Variants in SPSB4 observed in about 807,000 individuals in gnomAD.
The protein encoded by SPSB4 is splA/ryanodine receptor domain and SOCS box containing 4, also known as SPRY domain-containing SOCS box protein 4.
A neutral mutation model predicts 20.9 loss-of-function variants in SPSB4; 21 were observed. The ratio of observed to expected loss-of-function variants is 1.01; its 90% CI spans 0.71 to 1.45. SPSB4 has a LOEUF of 1.45. Ranked by LOEUF, SPSB4 falls within the 40% of genes most tolerant of loss-of-function variation. The pLI, the probability that SPSB4 is intolerant of heterozygous loss-of-function variation, is 0.00. For synonymous variants in SPSB4, 207 were observed against 183.8 expected, an observed-to-expected ratio of 1.13 and a Z score of -1.02; for missense variants, 399 against 399.2, an observed-to-expected ratio of 1.00 and a Z score of 0.00.
At chr3:141,117,707 T>C (rs1013583822) in intron 2 of SPSB4, among the ~76,000 whole-genome samples, 16 of 152,322 alleles carry the variant, frequency 1.1e-4, no homozygotes, top group Middle Eastern at 6.8e-3. Context: ...CCTGTGTCCA[T>C]GTGTTCTCAT....
intron 1 of SPSB4, among the ~76,000 whole-genome samples, chr3:141,063,965 G>A (rs1489809782): frequency 6.6e-6 from 1 of 152,230 alleles, no homozygotes; most frequent in Non-Finnish European, 1.5e-5. Context: ...ACTCTGCCTT[G>A]CCAACACACT....
intron 1 of SPSB4, among the ~76,000 whole-genome samples, chr3:141,054,781 C>T (rs1237790725): frequency 6.6e-6 from 1 of 152,194 alleles, no homozygotes; most frequent in Non-Finnish European, 1.5e-5. Flanking sequence ...CTGGCTAACA[C>T]AGTGAAACCC....
At chr3:141,133,877 G>A (rs1280479558) in intron 2 of SPSB4, among the ~76,000 whole-genome samples, 1 of 152,072 alleles carries the variant, frequency 6.6e-6, no homozygotes, top group African/African-American at 2.4e-5. Context: ...GCTTTTGGCA[G>A]TATGGTCATC....
At chr3:141,089,461 G>A (rs987120705) in intron 2 of SPSB4, among the ~76,000 whole-genome samples, 1 of 152,186 alleles carries the variant, frequency 6.6e-6, no homozygotes, top group African/African-American at 2.4e-5. Context: ...CTGAAATCTG[G>A]GTATTTGCCT....
chr3:141,066,816 G>C lies in SPSB4; in HGVS notation c.694+18G>C, dbSNP rs554196290. 1.3e-6 allele frequency: 2 copies of C among 1,510,444 alleles called. No individual in the cohort carries two copies. Among genetic ancestry groups the C allele is most frequent in the African/African-American group, 1.4e-5 (1 of 71,774 alleles). The allele number at this position is 1,510,444 out of a possible 1,614,324, so 93.6% of individuals were successfully genotyped here. The stretch of plus-strand genomic sequence containing the variant: ...CCTTGACCGTAAGTTGTGCTGGGCT[G>C]GGGGGCAGGGCTTTCAGAGGCTGCC... On this transcript the variant is annotated intron_variant, in intron 2 of 2. Transcript: ENST00000310546.
rs79079101 is a variant in SPSB4, at chr3:141,081,836, G to A, written c.694+15038G>A. ...AACCTGTGAAAGCCCCTTGTAAATCGCAAAGGCCTGGACGGCGTTAGGGGC... is the reference window on the plus strand; with the variant it reads ...AACCTGTGAAAGCCCCTTGTAAATCACAAAGGCCTGGACGGCGTTAGGGGC... On this transcript the variant is annotated intron_variant, in intron 2 of 2. Coordinates refer to ENST00000310546, the MANE Select transcript of SPSB4 (RefSeq NM_080862.3). 6.0e-3 allele frequency among the ~76,000 whole-genome samples: 913 copies of A among 152,266 alleles called. 9 individuals carry two copies. The highest frequency in any genetic ancestry group is 0.021 in the African/African-American group (882 of 41,542).
intron 2 of SPSB4, among the ~76,000 whole-genome samples, chr3:141,121,064 C>CA (rs1240538659): frequency 6.6e-6 from 1 of 150,656 alleles, no homozygotes; most frequent in Admixed American, 6.6e-5. Flanking sequence ...TGTTCCCTTC[C>CA]ATGTTTAGTG....
intron 2 of SPSB4, among the ~76,000 whole-genome samples, chr3:141,133,894 A>G (rs1043367747): frequency 3.6e-4 from 55 of 152,062 alleles, no homozygotes; most frequent in African/African-American, 1.3e-3. Flanking sequence ...CATCTTCACA[A>G]TATTGATTCT....
Position 141,079,933 on chromosome 3 carries a change from G to C in SPSB4, c.694+13135G>C, listed in dbSNP as rs193064550. Reference sequence around the variant, plus strand: ...GGCTGGGGATCATGGAGGGCAGAGTGGGGGTGGTGAGGCTCAGGGGTCAGC... The same window carrying C: ...GGCTGGGGATCATGGAGGGCAGAGTCGGGGTGGTGAGGCTCAGGGGTCAGC... On this transcript the variant is annotated intron_variant, in intron 2 of 2. Transcript: ENST00000310546. Among the ~76,000 whole-genome samples, 8 of 152,170 alleles carry C rather than the reference G, an allele frequency of 5.3e-5. No homozygotes were observed. In the East Asian group the frequency reaches 5.8e-4, roughly 11 times the overall value.
intron 1 of SPSB4, among the ~76,000 whole-genome samples, chr3:141,062,555 C>T (rs148194716): frequency 0.017 from 2,515 of 152,118 alleles, 55 homozygotes; most frequent in African/African-American, 0.057. Context: ...AGAGGCACCC[C>T]GCAGGTTCTA....
At chr3:141,118,286 T>C (rs1218630440) in intron 2 of SPSB4, among the ~76,000 whole-genome samples, 1 of 152,264 alleles carries the variant, frequency 6.6e-6, no homozygotes, top group Non-Finnish European at 1.5e-5. Context: ...GCTGCATAAA[T>C]GTCTTCTTTG....
rs1937881672 is a variant in SPSB4 at position 141,066,502 on chromosome 3, T to C, written c.398T>C (p.Val133Ala). 2.0e-6 allele frequency: 3 copies of C among 1,503,864 alleles called. No homozygotes were observed. Among genetic ancestry groups the C allele is most frequent in the East Asian group, 2.4e-5 (1 of 41,612 alleles). 93.2% of individuals were successfully genotyped at this position (1,503,864 alleles called of 1,614,324 possible). A position where few individuals can be genotyped will look rare whatever the true frequency, so the allele number is the denominator to read the frequency against. ...PLHSVGYTAL[V>A]GSDAESWGWD... The stretch of plus-strand genomic sequence containing the variant: ...CACTCCGTGGGCTACACGGCGCTGG[T>C]AGGCAGTGACGCCGAGTCGTGGGGC... Residue 133 changes from valine to alanine, a missense_variant, in exon 2 of 3, where the codon GTA becomes GCA. Transcript: ENST00000310546.
Position 141,103,753 on chromosome 3 carries a change from C to T in SPSB4, c.694+36955C>T, listed in dbSNP as rs76489649. 7.5e-3 allele frequency among the ~76,000 whole-genome samples: 1,134 copies of T among 152,114 alleles called. 20 individuals are homozygous for T. The highest frequency in any genetic ancestry group is 0.026 in the African/African-American group (1,064 of 41,478). ...CAAGAACTCTTAAAGTGCAGCTGTCCGGAGCCATTCAGCAAAGGGGCATGA... is the reference window on the plus strand; with the variant it reads ...CAAGAACTCTTAAAGTGCAGCTGTCTGGAGCCATTCAGCAAAGGGGCATGA... On this transcript the variant is annotated intron_variant, in intron 2 of 2. Coordinates refer to ENST00000310546, the MANE Select transcript of SPSB4 (RefSeq NM_080862.3).
At chr3:141,087,567 C>T (rs901501721) in intron 2 of SPSB4, among the ~76,000 whole-genome samples, 2 of 152,192 alleles carry the variant, frequency 1.3e-5, no homozygotes, top group Admixed American at 1.3e-4. Flanking sequence ...CATCCATGAT[C>T]TCATTTGATC....
At chr3:141,088,776 C>G (rs1217250549) in intron 2 of SPSB4, among the ~76,000 whole-genome samples, 4 of 152,164 alleles carry the variant, frequency 2.6e-5, no homozygotes, top group Non-Finnish European at 1.5e-5. Flanking sequence ...CACATTCTCT[C>G]TACTCTTCCT....
chr3:141,066,904 G>C, intron 2 of SPSB4, 106 bp downstream of exon 2: 1 of 1,191,580 alleles, frequency 8.4e-7, no homozygotes, highest in Non-Finnish European at 1.1e-6. Context: ...CTGCAATGTG[G>C]AGGAATGGTC....
intron 2 of SPSB4, among the ~76,000 whole-genome samples, chr3:141,107,276 A>G (rs1938712228): frequency 6.6e-6 from 1 of 152,360 alleles, no homozygotes; most frequent in South Asian, 2.1e-4. Context: ...GTAGAATGGA[A>G]GTTCATACAT....
intron 2 of SPSB4, among the ~76,000 whole-genome samples, chr3:141,088,744 A>C (rs1201372691): frequency 6.6e-6 from 1 of 152,194 alleles, no homozygotes; most frequent in East Asian, 1.9e-4. Flanking sequence ...CAGGATGCCC[A>C]CAGCAGTATG....
chr3:141,109,785 T>C (rs1028346918), intron 2 of SPSB4, among the ~76,000 whole-genome samples: 5 of 152,102 alleles, frequency 3.3e-5, no homozygotes, highest in African/African-American at 1.2e-4. Flanking sequence ...AAAAGCGGCC[T>C]TCCAGGTATT....
Sources: allele counts gnomAD v4.1 joint callset (sites outside exome capture counted in the v4.1 genomes callset), GRCh38; gene constraint gnomAD v4.1.1; transcripts MANE v1.5; gene names NCBI Gene and HGNC (gene_info 2026-07-23, HGNC 2026-07-21).